Variants in LMTK2 observed in about 807,000 individuals in gnomAD.
LMTK2 encodes lemur tail kinase 2.
Under a neutral mutation model 127.5 loss-of-function variants are expected in LMTK2, and 37 were observed. That is an observed-to-expected ratio of 0.29 (90% confidence interval 0.22 to 0.38). The LOEUF is 0.38. LMTK2 is among the 10% of genes least tolerant of loss of function. LMTK2 has a pLI of 1.00. For synonymous variants in LMTK2, 819 were observed against 810.1 expected, an observed-to-expected ratio of 1.01 and a Z score of -0.19; for missense variants, 1,694 against 1,920.3, an observed-to-expected ratio of 0.88 and a Z score of 2.20.
At chr7:98,125,238 G>A (rs1045676397) in intron 1 of LMTK2, among the ~76,000 whole-genome samples, 1 of 151,208 alleles carries the variant, frequency 6.6e-6, no homozygotes, top group African/African-American at 2.4e-5. Flanking sequence ...GGGAGGCAGA[G>A]CTTGCAGTGA....
At chr7:98,151,974 A>G (rs1202549955) in intron 4 of LMTK2, among the ~76,000 whole-genome samples, 1 of 152,150 alleles carries the variant, frequency 6.6e-6, no homozygotes, top group East Asian at 1.9e-4. Context: ...GATCATAACA[A>G]AGGCCTTTAA....
At chr7:98,137,602 T>C (rs1376561383) in intron 2 of LMTK2, among the ~76,000 whole-genome samples, 160 bp downstream of exon 2, 2 of 152,240 alleles carry the variant, frequency 1.3e-5, no homozygotes, top group Non-Finnish European at 2.9e-5. Flanking sequence ...TAGTAAATAT[T>C]GTGGGCCATA....
intron 11 of LMTK2, among the ~76,000 whole-genome samples, chr7:98,198,691 G>C (rs1194825369): frequency 6.6e-6 from 1 of 152,050 alleles, no homozygotes; most frequent in Non-Finnish European, 1.5e-5. Flanking sequence ...TGTTGCCCAG[G>C]CTGGTCTCGA....
intron 1 of LMTK2, among the ~76,000 whole-genome samples, chr7:98,127,177 A>T (rs1181475304): frequency 6.6e-6 from 1 of 152,218 alleles, no homozygotes; most frequent in African/African-American, 2.4e-5. Flanking sequence ...TGAGGCGTTA[A>T]ATAAAAATGT....
At chr7:98,134,669 AAG>A (rs1554385830) in intron 1 of LMTK2, among the ~76,000 whole-genome samples, 18 of 151,206 alleles carry the variant, frequency 1.2e-4, no homozygotes, top group African/African-American at 4.1e-4. Flanking sequence ...AAAAAAAAAA[AAG>A]AAGAAGAAAT....
At chr7:98,128,932 A>C (rs190171881) in intron 1 of LMTK2, among the ~76,000 whole-genome samples, 218 of 152,184 alleles carry the variant, frequency 1.4e-3, no homozygotes, top group African/African-American at 5.2e-3. Flanking sequence ...TGTTTGTGGG[A>C]GTTCTTGGGG....
At chr7:98,203,739 A>G (rs759686621) in intron 12 of LMTK2, 33 bp downstream of exon 12, 1 of 1,609,500 alleles carries the variant, frequency 6.2e-7, no homozygotes. Context: ...TTTAAAGGAA[A>G]CTGAAAAATT....
chr7:98,110,074 A>G (rs1176495312), intron 1 of LMTK2, among the ~76,000 whole-genome samples: 1 of 152,138 alleles, frequency 6.6e-6, no homozygotes, highest in Non-Finnish European at 1.5e-5. Context: ...GACCCATTTC[A>G]TAGGGTCTTT....
At chr7:98,118,943 T>A (rs1308964978) in intron 1 of LMTK2, among the ~76,000 whole-genome samples, 1 of 151,984 alleles carries the variant, frequency 6.6e-6, no homozygotes, top group Non-Finnish European at 1.5e-5. Context: ...ATACAAAAAA[T>A]TAGCCAGGTG....
intron 1 of LMTK2, among the ~76,000 whole-genome samples, chr7:98,129,666 C>G (rs1334829462): frequency 6.6e-6 from 1 of 152,096 alleles, no homozygotes; most frequent in African/African-American, 2.4e-5. Context: ...GTGCCTAGCT[C>G]GTAAGTTTAT....
At chr7:98,196,180 C>A (rs1797619610) in intron 11 of LMTK2, among the ~76,000 whole-genome samples, 1 of 150,530 alleles carries the variant, frequency 6.6e-6, no homozygotes, top group South Asian at 2.1e-4. Context: ...CAGAGTGAGA[C>A]CTGTCTCAGA....
At chr7:98,156,834 G>C (rs374980786) in intron 5 of LMTK2, among the ~76,000 whole-genome samples, 9 of 152,214 alleles carry the variant, frequency 5.9e-5, no homozygotes, top group African/African-American at 1.9e-4. Context: ...GCTGAAGGCT[G>C]TCTGCTGGCA....
chr7:98,160,597 A>G (rs906702796), intron 6 of LMTK2, among the ~76,000 whole-genome samples: 1 of 152,104 alleles, frequency 6.6e-6, no homozygotes, highest in African/African-American at 2.4e-5. Flanking sequence ...GTTGTTCCTT[A>G]AAGCATTCTT....
chr7:98,161,026 A>G (rs894790863), intron 6 of LMTK2, among the ~76,000 whole-genome samples: 4 of 152,228 alleles, frequency 2.6e-5, no homozygotes, highest in South Asian at 4.1e-4. Context: ...AAATCTTGCA[A>G]TCGTGGTCAC....
chr7:98,203,904 G>T, intron 12 of LMTK2, 40 bp from the exon 13 acceptor site: 1 of 1,608,238 alleles, frequency 6.2e-7, no homozygotes, highest in Non-Finnish European at 8.5e-7. Context: ...CCCTCATCAC[G>T]CAGTGATAAA....
At chr7:98,166,839 T>C (rs1584274874) in intron 6 of LMTK2, among the ~76,000 whole-genome samples, 1 of 152,222 alleles carries the variant, frequency 6.6e-6, no homozygotes, top group East Asian at 1.9e-4. Context: ...TAACAACACA[T>C]TTCTCAGAAG....
intron 1 of LMTK2, among the ~76,000 whole-genome samples, chr7:98,126,018 T>C (rs1796439500): frequency 6.6e-6 from 1 of 152,208 alleles, no homozygotes; most frequent in African/African-American, 2.4e-5. Context: ...ATTTCAGTTA[T>C]ATTTGCAAGA....
In LMTK2 at chr7:98,151,399, G is replaced by A. The variant is rs1463845289; in HGVS notation, c.394G>A (p.Val132Ile). 1 of 1,613,226 alleles carries A rather than the reference G, an allele frequency of 6.2e-7. No homozygotes were observed. Among genetic ancestry groups the A allele is most frequent in the Non-Finnish European group, 8.5e-7 (1 of 1,179,364 alleles). Residue 132 changes from valine (V) to isoleucine (I), a missense_variant, in exon 4 of 14, where the codon GTT (valine) becomes ATT (isoleucine). Val to Ile is a conservative substitution (Grantham distance 29). Coordinates refer to ENST00000297293, the MANE Select transcript of LMTK2 (RefSeq NM_014916.4). ...QPSVEGLKSQ[V>I]ARHSLNYIQE... ...CTCTACAGAGGGATTGAAGTCTCAA[G>A]TTGCCCGCCACAGTCTAAACTACAT...
intron 1 of LMTK2, 37 bp downstream of exon 1, chr7:98,107,317 C>A: frequency 1.8e-6 from 2 of 1,097,078 alleles, no homozygotes; most frequent in Admixed American, 5.4e-5. Context: ...GCTGCGGGGT[C>A]TTCGGCGTGG....
Sources: gnomAD v4.1 joint callset for allele counts (sites outside exome capture counted in the v4.1 genomes callset) on GRCh38, gnomAD v4.1.1 for gene constraint, MANE v1.5 for transcripts, NCBI Gene and HGNC (gene_info 2026-07-23, HGNC 2026-07-21) for gene names.